The following STXBP4 variants were observed in gnomAD, a reference collection of about 807,000 sequenced individuals.
The protein encoded by STXBP4 is syntaxin-binding protein 4.
A neutral mutation model predicts 76.1 loss-of-function variants in STXBP4; 55 were observed. That is an observed-to-expected ratio of 0.72 (90% CI 0.58 to 0.91). STXBP4 has a LOEUF of 0.91. Ranked by LOEUF, STXBP4 falls within the 40% of genes least tolerant of loss-of-function variation. The pLI, the probability that STXBP4 is intolerant of heterozygous loss-of-function variation, is 0.00. For missense variants in STXBP4, 618 were observed against 636.9 expected (o/e 0.97, Z 0.32); for synonymous variants, 201 against 220.2 (o/e 0.91, Z 0.77).
intron 16 of STXBP4, among the ~76,000 whole-genome samples, chr17:55,114,127 A>C (rs1053240715): frequency 3.3e-5 from 5 of 151,992 alleles, no homozygotes; most frequent in African/African-American, 1.2e-4. Context: ...CTCATTTGGA[A>C]GGCTTCCTAC....
intron 12 of STXBP4, among the ~76,000 whole-genome samples, chr17:55,067,479 T>C (rs2079067621): frequency 6.6e-6 from 1 of 152,188 alleles, no homozygotes; most frequent in African/African-American, 2.4e-5. Flanking sequence ...TAGAAGAATT[T>C]CACCTGGTAA....
At chr17:55,044,338 A>G (rs946504829) in intron 11 of STXBP4, 17 of 151,878 alleles carry the variant, frequency 1.1e-4, no homozygotes, top group Non-Finnish European at 2.4e-4. Context: ...AAGGTATAGT[A>G]TATTGATAAT....
intron 1 of STXBP4, among the ~76,000 whole-genome samples, chr17:54,974,309 G>T (rs1434274454): frequency 3.3e-5 from 5 of 152,214 alleles, no homozygotes. Context: ...TATGGTGTTT[G>T]CTTAAGAAAA....
intron 3 of STXBP4, among the ~76,000 whole-genome samples, chr17:54,988,303 A>G (rs375273550): frequency 4.6e-4 from 70 of 152,354 alleles, no homozygotes; most frequent in Middle Eastern, 3.4e-3. Context: ...AAGATCCTAT[A>G]CTGAAACAAT....
chr17:55,056,215 T>C (rs1029565553), intron 12 of STXBP4, among the ~76,000 whole-genome samples: 1 of 152,168 alleles, frequency 6.6e-6, no homozygotes, highest in Non-Finnish European at 1.5e-5. Flanking sequence ...TAGTTGGATT[T>C]ATCTAAAATA....
rs376014825 is a variant in STXBP4, at chr17:55,034,035, A to G, written c.764-133A>G. 5 of 562,984 alleles carry G rather than the reference A, an allele frequency of 8.9e-6. No homozygotes were observed. In the African/African-American group the frequency reaches 9.3e-5, roughly 10 times the overall value. 34.9% of individuals were successfully genotyped at this position (562,984 alleles called of 1,614,324 possible). On this transcript the variant is annotated intron_variant, in intron 9 of 17. Coordinates refer to ENST00000376352, the MANE Select transcript of STXBP4 (RefSeq NM_178509.6). Reference sequence around the variant, plus strand: ...TTCTTATTTGAAATTACATTTACCTATCACTTCAGTCAATACTATTTTAAG... The same window carrying G: ...TTCTTATTTGAAATTACATTTACCTGTCACTTCAGTCAATACTATTTTAAG...
In STXBP4 at chr17:55,122,188, C is replaced by T. The variant is rs182932071; in HGVS notation, c.1490-19122C>T. ...AAATCCTCAACAAACCGTTGTTAAA[C>T]GTTTATTATGCACCAAAGCCTGAGC... On this transcript the variant is annotated intron_variant, in intron 16 of 17. Coordinates refer to ENST00000376352, the MANE Select transcript of STXBP4 (RefSeq NM_178509.6). Among the ~76,000 whole-genome samples the T allele has an allele frequency of 7.5e-4, 114 of 152,218 alleles. 1 individual carries two copies. In the Middle Eastern group the frequency reaches 0.01, roughly 14 times the overall value.
intron 3 of STXBP4, among the ~76,000 whole-genome samples, chr17:54,986,862 A>G (rs1180496135): frequency 1.3e-5 from 2 of 152,196 alleles, no homozygotes; most frequent in South Asian, 2.1e-4. Context: ...GTTCTGCTCT[A>G]TACCAGATAA....
chr17:55,016,027 A>G (rs933302352), intron 8 of STXBP4, among the ~76,000 whole-genome samples: 1 of 147,708 alleles, frequency 6.8e-6, no homozygotes, highest in South Asian at 2.2e-4. Flanking sequence ...CTGAGGGTCA[A>G]ATTGGTCCCA....
At chr17:55,123,425 T>A (rs556038344) in intron 16 of STXBP4, among the ~76,000 whole-genome samples, 2 of 152,314 alleles carry the variant, frequency 1.3e-5, no homozygotes, top group South Asian at 4.1e-4. Context: ...ACTGGTCAAA[T>A]GAGAGATAAT....
chr17:55,075,013 T>C (rs1461962944), intron 13 of STXBP4, among the ~76,000 whole-genome samples: 1 of 152,058 alleles, frequency 6.6e-6, no homozygotes, highest in East Asian at 1.9e-4. Flanking sequence ...CATTTATTTT[T>C]CATTATAATT....
At chr17:55,016,606 T>C (rs1015308096) in intron 8 of STXBP4, among the ~76,000 whole-genome samples, 2 of 152,188 alleles carry the variant, frequency 1.3e-5, no homozygotes, top group African/African-American at 2.4e-5. Context: ...AGATCCTCGC[T>C]ATCAATTACT....
At chr17:55,034,042 C>T (rs565007532) in intron 9 of STXBP4, 126 bp from the exon 10 acceptor site, 5 of 595,558 alleles carry the variant, frequency 8.4e-6, no homozygotes, top group Middle Eastern at 7.9e-4. Context: ...CCTATCACTT[C>T]AGTCAATACT....
At chr17:55,151,897 T>A (rs916767281) in intron 17 of STXBP4, among the ~76,000 whole-genome samples, 2 of 152,202 alleles carry the variant, frequency 1.3e-5, no homozygotes, top group African/African-American at 4.8e-5. Context: ...TCACAGTGAT[T>A]CAACTGTTAC....
chr17:55,040,911 A>G lies in STXBP4; in HGVS notation c.856-2325A>G, dbSNP rs146840596. 2.9e-3 allele frequency among the ~76,000 whole-genome samples: 439 copies of G among 152,286 alleles called. 9 individuals are homozygous for G. Among genetic ancestry groups the G allele is most frequent in the East Asian group, 0.025 (131 of 5,186 alleles). ...CATTTGCCGCTTCCTTAGCTGAAGT[A>G]TATTTGAATGGAACTATACAAAAAA... On this transcript the variant is annotated intron_variant, in intron 10 of 17. Coordinates refer to ENST00000376352, the MANE Select transcript of STXBP4 (RefSeq NM_178509.6).
At chr17:54,980,310 A>T (rs1302694586) in intron 1 of STXBP4, among the ~76,000 whole-genome samples, 1 of 151,290 alleles carries the variant, frequency 6.6e-6, no homozygotes, top group Non-Finnish European at 1.5e-5. Context: ...AATTAACAAT[A>T]AAAAAAAATA....
intron 16 of STXBP4, among the ~76,000 whole-genome samples, chr17:55,116,993 A>T (rs115590804): frequency 0.013 from 2,002 of 151,972 alleles, 42 homozygotes; most frequent in South Asian, 0.045. Flanking sequence ...AGTTAATAAG[A>T]TAAGCATAAT....
chr17:55,099,197 G>A (rs1021100040), intron 16 of STXBP4, among the ~76,000 whole-genome samples: 4 of 152,112 alleles, frequency 2.6e-5, no homozygotes, highest in East Asian at 3.9e-4. Context: ...TTTTTGGAGC[G>A]CAGTCTAACT....
intron 12 of STXBP4, among the ~76,000 whole-genome samples, chr17:55,064,602 T>C (rs2079027555): frequency 6.6e-6 from 1 of 152,146 alleles, no homozygotes; most frequent in Admixed American, 6.5e-5. Context: ...CAAGCGATTC[T>C]ACTGCCTCCG....
Sources: gnomAD v4.1 joint callset for allele counts (sites outside exome capture counted in the v4.1 genomes callset) on GRCh38, gnomAD v4.1.1 for gene constraint, MANE v1.5 for transcripts, NCBI Gene and HGNC (gene_info 2026-07-23, HGNC 2026-07-21) for gene names.